Variants in PMPCB observed in about 807,000 individuals in gnomAD.
PMPCB encodes mitochondrial-processing peptidase subunit beta.
Under a neutral mutation model 61.5 loss-of-function variants are expected in PMPCB, and 46 were observed. That is an observed-to-expected ratio of 0.75 (90% CI 0.59 to 0.96). PMPCB has a LOEUF of 0.96. Ranked by LOEUF, PMPCB falls within the 40% of genes least tolerant of loss-of-function variation. PMPCB has a pLI of 0.00. For missense variants in PMPCB, 590 were observed against 602.4 expected (o/e 0.98, Z 0.22); for synonymous variants, 191 against 201.6 (o/e 0.95, Z 0.44).
chr7:103,316,117 A>G (rs780804156), downstream of PMPCB: 1 of 1,371,912 alleles, frequency 7.3e-7, no homozygotes, highest in Non-Finnish European at 1.0e-6. Flanking sequence ...CAATAATATG[A>G]ATAGTAGTAA....
chr7:103,335,097 G>A, the PMPCB span: 4 of 152,202 alleles, frequency 2.6e-5, no homozygotes, highest in Non-Finnish European at 5.9e-5. Context: ...GCCTCCCAAA[G>A]TGCTAGGATT....
the PMPCB span, chr7:103,337,685 G>A: frequency 2.9e-6 from 4 of 1,398,172 alleles, no homozygotes; most frequent in African/African-American, 2.8e-5. Context: ...AGCATAGCCA[G>A]CCTGTTCCTA....
downstream of PMPCB, chr7:103,317,059 G>C: frequency 6.6e-7 from 1 of 1,514,682 alleles, no homozygotes; most frequent in Non-Finnish European, 9.1e-7. Context: ...ATACTGTATT[G>C]CTATTCTACA....
chr7:103,325,449 G>GAAA (rs35877928), intron 12 of PMPCB, among the ~76,000 whole-genome samples: 18 of 145,988 alleles, frequency 1.2e-4, no homozygotes, highest in Non-Finnish European at 2.5e-4. Context: ...AATAAAAAAG[G>GAAA]AAAAAAAAAA....
At chr7:103,325,802 TATAA>T (rs1379012829) in intron 12 of PMPCB, among the ~76,000 whole-genome samples, 3 of 152,226 alleles carry the variant, frequency 2.0e-5, no homozygotes, top group East Asian at 1.9e-4. Context: ...TAATCGTAAC[TATAA>T]ATAATGTTTT....
Position 103,321,938 on chromosome 7 carries a change from T to G in PMPCB, c.*1432-6993T>G, listed in dbSNP as rs779946577. 7 of 1,613,238 alleles carry G rather than the reference T, an allele frequency of 4.3e-6. No individual in the cohort carries two copies. The South Asian group carries it at 6.6e-5, about 15-fold the overall frequency. On this transcript the variant is annotated intron_variant and NMD_transcript_variant, in intron 12 of 12. Transcript: ENST00000444457. Reference sequence around the variant, plus strand: ...TTTGTTCAGTCTGATATACCTTGCATGAGTTTCGAAGTTTTTGCCTTTCCT... The same window carrying G: ...TTTGTTCAGTCTGATATACCTTGCAGGAGTTTCGAAGTTTTTGCCTTTCCT...
intron 12 of PMPCB, chr7:103,328,896 A>C (rs1257338943): frequency 1.6e-6 from 1 of 639,670 alleles, no homozygotes; most frequent in Non-Finnish European, 2.3e-6. Context: ...TTTAAATGTA[A>C]GTGTTTTTCC....
chr7:103,322,064 T>C (rs202134632), intron 12 of PMPCB: 1 of 1,610,452 alleles, frequency 6.2e-7, no homozygotes, highest in African/African-American at 1.3e-5. Context: ...GAGCAGCTTC[T>C]AATTCAGCTT....
chr7:103,325,342 C>A (rs1818646255), intron 12 of PMPCB, among the ~76,000 whole-genome samples: 1 of 151,806 alleles, frequency 6.6e-6, no homozygotes, highest in Non-Finnish European at 1.5e-5. Context: ...GAGGCTGAGG[C>A]AGGAGAATTG....
chr7:103,311,684 G>T lies in PMPCB; in HGVS notation c.1196G>T (p.Arg399Leu), dbSNP rs951007403. 2 of 1,613,952 alleles carry T rather than the reference G, an allele frequency of 1.2e-6. No individual in the cohort carries two copies. The highest frequency in any genetic ancestry group is 2.7e-5 in the African/African-American group (2 of 74,916). Residue 399 changes from arginine (R) to leucine (L), a missense_variant, in exon 10 of 13, where the codon CGA (arginine) becomes CTA (leucine). Coordinates refer to ENST00000249269, the MANE Select transcript of PMPCB (RefSeq NM_004279.3). Reference sequence around the variant, plus strand: ...AGTGTCACAGAAAGTGAGGTTGCACGAGCCAGAAATCTTCTGAAAACAAAC... The same window carrying T: ...AGTGTCACAGAAAGTGAGGTTGCACTAGCCAGAAATCTTCTGAAAACAAAC... ...CTSVTESEVARARNLLKTNML... is the reference protein window; with the variant it reads ...CTSVTESEVALARNLLKTNML...
At chr7:103,322,943 T>C in intron 12 of PMPCB, 1 of 730,482 alleles carries the variant, frequency 1.4e-6, no homozygotes, top group Non-Finnish European at 2.2e-6. Flanking sequence ...ATTTTTTTTT[T>C]TTTGAGACAG....
chr7:103,314,252 T>A lies in PMPCB; in HGVS notation c.*1981T>A. The A allele has an allele frequency of 1.0e-6, 1 of 985,442 alleles. No homozygotes were observed. Among genetic ancestry groups the A allele is most frequent in the Non-Finnish European group, 1.2e-6 (1 of 829,918 alleles). 61.0% of individuals were successfully genotyped at this position (985,442 alleles called of 1,614,324 possible). A position where few individuals can be genotyped will look rare whatever the true frequency, so the allele number is the denominator to read the frequency against. Reference sequence around the variant, plus strand: ...GAAGTGACATGGCAGTATTTCCTGCTGTTCTCCAGTTACTTCACAATACCA... The same window carrying A: ...GAAGTGACATGGCAGTATTTCCTGCAGTTCTCCAGTTACTTCACAATACCA... On this transcript the variant is annotated 3_prime_UTR_variant, in exon 13 of 13. Coordinates refer to ENST00000249269, the MANE Select transcript of PMPCB (RefSeq NM_004279.3).
At chr7:103,330,772 G>A (rs1173798262), downstream of PMPCB, among the ~76,000 whole-genome samples, 1 of 151,318 alleles carries the variant, frequency 6.6e-6, no homozygotes, top group Non-Finnish European at 1.5e-5. Context: ...TGTAGGGGAG[G>A]GGTTTCGTCA....
chr7:103,321,527 A>C (rs1335257353), intron 12 of PMPCB, among the ~76,000 whole-genome samples: 1 of 151,742 alleles, frequency 6.6e-6, no homozygotes, highest in Non-Finnish European at 1.5e-5. Context: ...CAAATAAATA[A>C]ATAAATAAAA....
intron 1 of PMPCB, chr7:103,297,861 A>G: frequency 6.8e-7 from 1 of 1,464,454 alleles, no homozygotes; most frequent in Non-Finnish European, 9.1e-7. Flanking sequence ...GGAAAACTAA[A>G]AAGTGAAATG....
chr7:103,316,685 G>C, downstream of PMPCB: 1 of 658,420 alleles, frequency 1.5e-6, no homozygotes, highest in Non-Finnish European at 2.6e-6. Flanking sequence ...GCTTCAAAAT[G>C]CACCTCACTT....
chr7:103,341,976 G>C, the PMPCB span: 2 of 1,527,020 alleles, frequency 1.3e-6, no homozygotes, highest in Non-Finnish European at 1.8e-6. Context: ...AGTGTTAAGA[G>C]AGGCTTCAGT....
At chr7:103,302,092 T>A (rs1319186631) in intron 4 of PMPCB, among the ~76,000 whole-genome samples, 1 of 152,204 alleles carries the variant, frequency 6.6e-6, no homozygotes, top group East Asian at 1.9e-4. Context: ...AGAATGATGG[T>A]TTCCAGCTTC....
Position 103,326,787 on chromosome 7 carries a change from CATATTTGAAA to C in PMPCB, c.*1432-2141_*1432-2132del, listed in dbSNP as rs1490183901. ...TTAAAACATAGAAGTCATTAATTTT[CATATTTGAAA>C]ATTTTGTTTGCAGGTTGGGGAGGAT... is the stretch of plus-strand genomic sequence containing the variant. On this transcript the variant is annotated intron_variant and NMD_transcript_variant, in intron 12 of 12. Transcript: ENST00000444457. 5 of 1,224,964 alleles carry C rather than the reference CATATTTGAAA, an allele frequency of 4.1e-6. No individual in the cohort carries two copies. In the African/African-American group the frequency reaches 7.8e-5, roughly 19 times the overall value. 75.9% of individuals were successfully genotyped at this position (1,224,964 alleles called of 1,614,324 possible).
Sources: gnomAD v4.1 joint callset for allele counts (sites outside exome capture counted in the v4.1 genomes callset) on GRCh38, gnomAD v4.1.1 for gene constraint, MANE v1.5 for transcripts, NCBI Gene and HGNC (gene_info 2026-07-23, HGNC 2026-07-21) for gene names.